The following RXYLT1 variants were observed in gnomAD, a reference collection of about 807,000 sequenced individuals.
RXYLT1 encodes ribitol xylosyltransferase 1.
RXYLT1 carries 41 observed loss-of-function variants against 43.5 expected under a neutral mutation model. The observed-to-expected ratio is 0.94, with a 90% CI of 0.73 to 1.22. RXYLT1 has a LOEUF of 1.22. Ranked by LOEUF, RXYLT1 falls within the 50% of genes most tolerant of loss-of-function variation. The pLI, the probability that RXYLT1 is intolerant of heterozygous loss-of-function variation, is 0.00. For missense variants in RXYLT1, 514 were observed against 532.0 expected (o/e 0.97, Z 0.33); for synonymous variants, 166 against 194.4 (o/e 0.85, Z 1.21).
At chr12:63,793,448 C>T (rs529939534) in intron 3 of RXYLT1, among the ~76,000 whole-genome samples, 163 of 152,208 alleles carry the variant, frequency 1.1e-3, no homozygotes, top group African/African-American at 3.7e-3. Flanking sequence ...AGCCCCCCTT[C>T]TGCTATACTC....
At chr12:63,782,785 C>G in intron 2 of RXYLT1, 1 of 282,974 alleles carries the variant, frequency 3.5e-6, no homozygotes, top group Non-Finnish European at 7.1e-6. Context: ...GAGGCACTAG[C>G]AAAAGGTTGT....
intron 1 of RXYLT1, 181 bp downstream of exon 1, chr12:63,780,310 A>G (rs1897649047): frequency 1.5e-6 from 2 of 1,314,492 alleles, no homozygotes; most frequent in East Asian, 6.3e-5. Context: ...AATGGTCCTC[A>G]TTCTTACCCA....
At chr12:63,800,892 G>T (rs1221439859) in intron 3 of RXYLT1, among the ~76,000 whole-genome samples, 1 of 150,980 alleles carries the variant, frequency 6.6e-6, no homozygotes, top group Non-Finnish European at 1.5e-5. Flanking sequence ...CAGCACTCCA[G>T]CCTGAGCAAC....
At chr12:63,780,178 G>A (rs893276193) in intron 1 of RXYLT1, 49 bp downstream of exon 1, 2 of 1,406,530 alleles carry the variant, frequency 1.4e-6, no homozygotes, top group East Asian at 2.8e-5. Context: ...CCTGGCTGGG[G>A]CTGCTGGGCG....
Position 63,809,251 on chromosome 12 carries a change from A to ACAT in RXYLT1, c.*160_*162dup. ...ATGACATTTCAGTCAGTGGTAGACT[A>ACAT]CATATATGATAGTGGTCCCATAAGA... On this transcript the variant is annotated 3_prime_UTR_variant, in exon 6 of 6. Coordinates refer to ENST00000261234, the MANE Select transcript of RXYLT1 (RefSeq NM_014254.3). The ACAT allele has an allele frequency of 1.7e-6, 1 of 573,808 alleles. No homozygotes were observed. Among genetic ancestry groups the ACAT allele is most frequent in the South Asian group, 2.3e-5 (1 of 43,526 alleles). The allele number at this position is 573,808 out of a possible 1,614,324, so 35.5% of individuals were successfully genotyped here.
At chr12:63,789,240 CAG>C (rs1193070469) in intron 3 of RXYLT1, among the ~76,000 whole-genome samples, 1 of 152,124 alleles carries the variant, frequency 6.6e-6, no homozygotes, top group Non-Finnish European at 1.5e-5. Flanking sequence ...TGTTGTGTCT[CAG>C]GGAATAGGGA....
intron 3 of RXYLT1, among the ~76,000 whole-genome samples, chr12:63,795,154 C>T (rs1427827982): frequency 1.3e-5 from 2 of 151,926 alleles, no homozygotes; most frequent in Non-Finnish European, 2.9e-5. Flanking sequence ...AAAATTAGCA[C>T]CTGTCGTCCC....
intron 3 of RXYLT1, among the ~76,000 whole-genome samples, chr12:63,788,722 T>C (rs1343637828): frequency 6.6e-6 from 1 of 152,212 alleles, no homozygotes; most frequent in Non-Finnish European, 1.5e-5. Flanking sequence ...TATTAAACCT[T>C]TCTCCATATG....
chr12:63,797,777 G>A (rs1394792335), intron 3 of RXYLT1, among the ~76,000 whole-genome samples: 5 of 152,114 alleles, frequency 3.3e-5, no homozygotes, highest in South Asian at 2.1e-4. Context: ...GGAGACAGCT[G>A]GGTGCAGGCA....
chr12:63,802,750 T>TA (rs907595130), intron 4 of RXYLT1, among the ~76,000 whole-genome samples: 50 of 151,970 alleles, frequency 3.3e-4, no homozygotes, highest in Middle Eastern at 3.4e-3. Flanking sequence ...CTATATATAG[T>TA]AAAAAAAGGC....
Position 63,808,521 on chromosome 12 carries a change from G to A in RXYLT1, c.915-154G>A, listed in dbSNP as rs1034750004. Reference sequence around the variant, plus strand: ...ATTCTTCAACATTTTTAAGAAATCTGTTTGGGCCAGGATTTTGGATATCTC... The same window carrying A: ...ATTCTTCAACATTTTTAAGAAATCTATTTGGGCCAGGATTTTGGATATCTC... On this transcript the variant is annotated intron_variant, in intron 5 of 5. Coordinates refer to ENST00000261234, the MANE Select transcript of RXYLT1 (RefSeq NM_014254.3). The A allele has an allele frequency of 3.8e-5, 28 of 743,356 alleles. No individual in the cohort carries two copies. In the African/African-American group the frequency reaches 4.0e-4, roughly 11 times the overall value. The allele number at this position is 743,356 out of a possible 1,614,324, so 46.0% of individuals were successfully genotyped here.
intron 2 of RXYLT1, among the ~76,000 whole-genome samples, chr12:63,782,287 C>T (rs1039852549): frequency 5.3e-5 from 8 of 152,134 alleles, no homozygotes; most frequent in Non-Finnish European, 1.0e-4. Context: ...GTCACTGGTC[C>T]AAGCAATTTT....
chr12:63,802,899 T>C (rs1465009624), intron 4 of RXYLT1, among the ~76,000 whole-genome samples: 4 of 151,792 alleles, frequency 2.6e-5, no homozygotes, highest in African/African-American at 9.7e-5. Flanking sequence ...CCAGGCGCAG[T>C]GGCTTACTGC....
chr12:63,786,349 T>C (rs1341806034), intron 3 of RXYLT1, among the ~76,000 whole-genome samples: 1 of 152,202 alleles, frequency 6.6e-6, no homozygotes, highest in African/African-American at 2.4e-5. Context: ...TGGGAGATTT[T>C]ACAGGCATCC....
At chr12:63,800,824 G>A (rs553106258) in intron 3 of RXYLT1, among the ~76,000 whole-genome samples, 99 of 152,046 alleles carry the variant, frequency 6.5e-4, no homozygotes, top group Middle Eastern at 3.4e-3. Context: ...CAGGAGCTGA[G>A]GCACAAGAAT....
In RXYLT1 at chr12:63,803,014, A is replaced by AAAG. The variant is rs1898198342; in HGVS notation, c.743+611_743+612insGAA. Among the ~76,000 whole-genome samples, 3 of 151,340 alleles carry AAAG rather than the reference A, an allele frequency of 2.0e-5. No individual in the cohort carries two copies. The South Asian group carries it at 6.3e-4, about 32-fold the overall frequency. ...CAAAACCCTATCTCTAAAAAAAAAA[A>AAAG]AAATCAAAAATTATCCGGGCATGGT... On this transcript the variant is annotated intron_variant, in intron 4 of 5. Transcript: ENST00000261234.
chr12:63,806,758 C>G (rs898699995), intron 5 of RXYLT1: 4 of 152,236 alleles, frequency 2.6e-5, no homozygotes, highest in Non-Finnish European at 5.9e-5. Flanking sequence ...AAACTCATGT[C>G]AGCAGACAAA....
chr12:63,805,473 C>A lies in RXYLT1; in HGVS notation c.914+69C>A, dbSNP rs1329563780. 6 of 1,448,608 alleles carry A rather than the reference C, an allele frequency of 4.1e-6. No homozygotes were observed. In the East Asian group the frequency reaches 1.2e-4, roughly 28 times the overall value. 89.7% of individuals were successfully genotyped at this position (1,448,608 alleles called of 1,614,324 possible). A position where few individuals can be genotyped will look rare whatever the true frequency, so the allele number is the denominator to read the frequency against. ...CTGAGAGTTGCTTTATGTAGAAACA[C>A]AGGTTTCCAAAGAGGCATTGTTAAC... On this transcript the variant is annotated intron_variant, in intron 5 of 5. Coordinates refer to ENST00000261234, the MANE Select transcript of RXYLT1 (RefSeq NM_014254.3).
Position 63,780,095 on chromosome 12 carries a change from G to T in RXYLT1, c.135G>T (p.Lys45Asn). 6.4e-7 allele frequency: 1 copy of T among 1,565,280 alleles called. No homozygotes were observed. The highest frequency in any genetic ancestry group is 1.9e-5 in the Admixed American group (1 of 53,930). The change falls in exon 1 of 6, where the codon AAG becomes AAT. Residue 45 changes from lysine to asparagine, a missense_variant. Physicochemically the swap from Lys to Asn is moderately conservative, Grantham distance 94. Transcript: ENST00000261234. ...APAGSPRGLR[K>N]GAAPARERRG... is the part of the protein sequence containing the mutation. ...CCGGGTCCCCGCGGGGCCTCAGGAA[G>T]GGGGCGGCCCCCGCGCGGGAGAGAC... is the stretch of plus-strand genomic sequence containing the variant.
Sources: gnomAD v4.1 joint callset for allele counts (sites outside exome capture counted in the v4.1 genomes callset) on GRCh38, gnomAD v4.1.1 for gene constraint, MANE v1.5 for transcripts, NCBI Gene and HGNC (gene_info 2026-07-23, HGNC 2026-07-21) for gene names.